Variants in CNTNAP2 observed in about 807,000 individuals in gnomAD.
The protein encoded by CNTNAP2 is contactin associated protein 2.
Under a neutral mutation model 155.2 loss-of-function variants are expected in CNTNAP2, and 98 were observed. The ratio of observed to expected loss-of-function variants is 0.63; its 90% CI spans 0.54 to 0.75. The LOEUF (loss-of-function observed/expected upper bound fraction) is 0.75. Among genes scored for constraint, CNTNAP2 ranks in the 30% least tolerant of loss-of-function variants. The probability of loss-of-function intolerance (pLI) is 0.00; values close to 1 mark genes in which losing one functional copy is unlikely to be tolerated. For synonymous variants in CNTNAP2, 651 were observed against 631.2 expected, an observed-to-expected ratio of 1.03 and a Z score of -0.47; for missense variants, 1,727 against 1,688.1, an observed-to-expected ratio of 1.02 and a Z score of -0.40.
intron 1 of CNTNAP2, among the ~76,000 whole-genome samples, chr7:146,378,452 C>A (rs1463378358): frequency 6.6e-6 from 1 of 152,130 alleles, no homozygotes; most frequent in Non-Finnish European, 1.5e-5. Flanking sequence ...CCACTTTGCT[C>A]TTTGCTTGGA....
chr7:148,127,021 T>C (rs1408022327), intron 16 of CNTNAP2, among the ~76,000 whole-genome samples: 1 of 152,186 alleles, frequency 6.6e-6, no homozygotes, highest in Non-Finnish European at 1.5e-5. Flanking sequence ...AAAGAGATTT[T>C]AGTCTGGGCA....
chr7:146,590,211 C>A (rs1395303709), intron 1 of CNTNAP2, among the ~76,000 whole-genome samples: 1 of 152,142 alleles, frequency 6.6e-6, no homozygotes, highest in Non-Finnish European at 1.5e-5. Flanking sequence ...ACAAGGAATG[C>A]GGAATGCTTC....
chr7:146,870,726 C>G lies in CNTNAP2; in HGVS notation c.402+30822C>G, dbSNP rs904004819. On this transcript the variant is annotated intron_variant, in intron 3 of 23. Coordinates refer to ENST00000361727, the MANE Select transcript of CNTNAP2 (RefSeq NM_014141.6). ...TTTTCTCTAAGAGTTTGAAAAAGAA[C>G]CAGTATTTTTGAGGTTGTGTCAATA... Among the ~76,000 whole-genome samples, 224 of 152,100 alleles carry G rather than the reference C, an allele frequency of 1.5e-3. 1 individual carries two copies. The highest frequency in any genetic ancestry group is 5.1e-3 in the African/African-American group (212 of 41,522).
At chr7:146,448,207 G>T (rs1796429100) in intron 1 of CNTNAP2, among the ~76,000 whole-genome samples, 1 of 151,990 alleles carries the variant, frequency 6.6e-6, no homozygotes, top group Non-Finnish European at 1.5e-5. Context: ...AGGTGCCTCA[G>T]AAATCGATTG....
At chr7:146,907,804 T>G (rs1440756196) in intron 3 of CNTNAP2, among the ~76,000 whole-genome samples, 2 of 151,532 alleles carry the variant, frequency 1.3e-5, no homozygotes, top group Non-Finnish European at 2.9e-5. Context: ...ATAACAATAT[T>G]AACTTTAAAT....
At chr7:146,123,629 C>T (rs770625082) in intron 1 of CNTNAP2, among the ~76,000 whole-genome samples, 5 of 152,120 alleles carry the variant, frequency 3.3e-5, no homozygotes, top group Middle Eastern at 3.4e-3. Flanking sequence ...CCTGGACTCA[C>T]AATTTTTATT....
chr7:146,665,096 C>G (rs1252803531), intron 1 of CNTNAP2, among the ~76,000 whole-genome samples: 2 of 152,004 alleles, frequency 1.3e-5, no homozygotes, highest in Non-Finnish European at 2.9e-5. Flanking sequence ...TTACAGGCAC[C>G]CACCACAATA....
chr7:146,655,937 A>G (rs1337021465), intron 1 of CNTNAP2, among the ~76,000 whole-genome samples: 4 of 151,088 alleles, frequency 2.6e-5, no homozygotes, highest in South Asian at 4.2e-4. Flanking sequence ...TAGAAATAGG[A>G]AAAAAAAATG....
chr7:146,224,088 CT>C (rs1455929914), intron 1 of CNTNAP2, among the ~76,000 whole-genome samples: 1 of 152,156 alleles, frequency 6.6e-6, no homozygotes, highest in Non-Finnish European at 1.5e-5. Flanking sequence ...GGAGTCTCCA[CT>C]TTTTTCTGTA....
chr7:146,879,748 T>C (rs1002943154), intron 3 of CNTNAP2, among the ~76,000 whole-genome samples: 2 of 152,218 alleles, frequency 1.3e-5, no homozygotes, highest in African/African-American at 4.8e-5. Context: ...CAGTGCTCAG[T>C]GAATGTTATT....
chr7:146,723,938 T>C (rs1221138541), intron 1 of CNTNAP2, among the ~76,000 whole-genome samples: 3 of 152,152 alleles, frequency 2.0e-5, no homozygotes, highest in Non-Finnish European at 2.9e-5. Flanking sequence ...TTATTGAGGC[T>C]TTTTTGTTTT....
At chr7:147,575,239 TTG>T (rs1197111546) in intron 12 of CNTNAP2, among the ~76,000 whole-genome samples, 17 of 14,966 alleles carry the variant, frequency 1.1e-3, no homozygotes, top group African/African-American at 2.8e-3. Context: ...ATGTGTGTGT[TTG>T]TGTGTGTGTG....
In CNTNAP2 at chr7:147,490,912, G is replaced by A. The variant is rs562680751; in HGVS notation, c.1777+4871G>A. Among the ~76,000 whole-genome samples, 20 of 152,214 alleles carry A rather than the reference G, an allele frequency of 1.3e-4. No homozygotes were observed. In the East Asian group the frequency reaches 3.9e-3, roughly 30 times the overall value. ...GAGAGAATTGCAAGCGAAGGGGGAAGAACCCCTTATAAAACCATCATCTCG... is the reference window on the plus strand; with the variant it reads ...GAGAGAATTGCAAGCGAAGGGGGAAAAACCCCTTATAAAACCATCATCTCG... On this transcript the variant is annotated intron_variant, in intron 11 of 23. Transcript: ENST00000361727.
intron 1 of CNTNAP2, among the ~76,000 whole-genome samples, chr7:146,194,947 T>C (rs115014182): frequency 0.01 from 1,527 of 152,326 alleles, 28 homozygotes; most frequent in African/African-American, 0.035. Context: ...TTTGTAAAAT[T>C]ATATTCCACA....
intron 1 of CNTNAP2, among the ~76,000 whole-genome samples, chr7:146,683,939 A>G (rs1800549843): frequency 6.6e-6 from 1 of 152,210 alleles, no homozygotes; most frequent in Non-Finnish European, 1.5e-5. Flanking sequence ...GTAAATAGTC[A>G]TAGCAGCTAC....
At chr7:146,365,672 C>T (rs1485244936) in intron 1 of CNTNAP2, among the ~76,000 whole-genome samples, 1 of 152,064 alleles carries the variant, frequency 6.6e-6, no homozygotes, top group Non-Finnish European at 1.5e-5. Flanking sequence ...TCATTATGCA[C>T]AAATGAAAAA....
Position 147,341,434 on chromosome 7 carries a change from TA to T in CNTNAP2, c.1498+41154del, listed in dbSNP as rs201913816. Reference sequence around the variant, plus strand: ...CACATGTATCCCAGAAATTAAAGTATAAAAAAAAAATTTAAAAAATAATAAA... The same window carrying T: ...CACATGTATCCCAGAAATTAAAGTATAAAAAAAAATTTAAAAAATAATAAA... On this transcript the variant is annotated intron_variant, in intron 9 of 23. Transcript: ENST00000361727. 7.2e-4 allele frequency among the ~76,000 whole-genome samples: 38 copies of T among 52,846 alleles called. 1 individual carries two copies. Among genetic ancestry groups the T allele is most frequent in the East Asian group, 3.1e-3 (7 of 2,258 alleles). 34.7% of individuals were successfully genotyped at this position (52,846 alleles called of 152,430 possible).
At chr7:146,703,253 G>C (rs1418930550) in intron 1 of CNTNAP2, among the ~76,000 whole-genome samples, 1 of 152,116 alleles carries the variant, frequency 6.6e-6, no homozygotes, top group Non-Finnish European at 1.5e-5. Context: ...TCAGCATGGT[G>C]AAATAGCTAC....
intron 4 of CNTNAP2, among the ~76,000 whole-genome samples, chr7:147,048,101 G>GTC (rs1266804960): frequency 7.9e-6 from 1 of 126,854 alleles, no homozygotes; most frequent in East Asian, 2.4e-4. Flanking sequence ...TTGAGATGGA[G>GTC]TCTCGCTCTG....
Sources: gnomAD v4.1 joint callset for allele counts (sites outside exome capture counted in the v4.1 genomes callset) on GRCh38, gnomAD v4.1.1 for gene constraint, MANE v1.5 for transcripts, NCBI Gene and HGNC (gene_info 2026-07-23, HGNC 2026-07-21) for gene names.